RBPJ: variants seen among roughly 807,000 people sequenced by gnomAD.
RBPJ encodes the protein recombining binding protein suppressor of hairless.
Under a neutral mutation model 67.8 loss-of-function variants are expected in RBPJ, and 9 were observed. The observed-to-expected ratio is 0.13, with a 90% confidence interval of 0.08 to 0.23. The LOEUF (loss-of-function observed/expected upper bound fraction) is 0.23. Among genes scored for constraint, RBPJ ranks in the 10% least tolerant of loss-of-function variants. RBPJ has a pLI of 1.00. For missense variants in RBPJ, 305 were observed against 595.6 expected (o/e 0.51, Z 5.08); for synonymous variants, 198 against 203.3 (o/e 0.97, Z 0.22).
intron 1 of RBPJ, among the ~76,000 whole-genome samples, chr4:26,333,723 T>C (rs1724492735): frequency 1.3e-5 from 2 of 152,124 alleles, no homozygotes; most frequent in South Asian, 4.1e-4. Flanking sequence ...AGGATCTTAC[T>C]GTGTCACCCA....
intron 1 of RBPJ, among the ~76,000 whole-genome samples, chr4:26,351,539 C>T (rs556033704): frequency 6.6e-6 from 1 of 152,268 alleles, no homozygotes; most frequent in East Asian, 1.9e-4. Flanking sequence ...TGCCACCACA[C>T]CTGGCTAATT....
intron 1 of RBPJ, among the ~76,000 whole-genome samples, chr4:26,364,158 A>G (rs1456351439): frequency 2.0e-5 from 3 of 152,372 alleles, no homozygotes; most frequent in Non-Finnish European, 4.4e-5. Flanking sequence ...ATACACTGGT[A>G]TAGTCCATGA....
chr4:26,297,285 A>G (rs1233352473), intron 1 of RBPJ, among the ~76,000 whole-genome samples: 1 of 152,110 alleles, frequency 6.6e-6, no homozygotes, highest in Non-Finnish European at 1.5e-5. Flanking sequence ...CCGGGGTGAC[A>G]GAGTGAGACC....
At chr4:26,317,123 G>C (rs1722677640), upstream of RBPJ, among the ~76,000 whole-genome samples, 1 of 151,472 alleles carries the variant, frequency 6.6e-6, no homozygotes, top group Non-Finnish European at 1.5e-5. Context: ...AATGGAAGGA[G>C]GCAGATAGTA....
chr4:26,321,719 CT>C, intron 1 of RBPJ: 1 of 152,644 alleles, frequency 6.6e-6, no homozygotes, highest in Non-Finnish European at 1.5e-5. Flanking sequence ...CCCCCCGAGG[CT>C]TTGTCTCCCC....
At chr4:26,382,299 G>C (rs1730409012) in intron 1 of RBPJ, among the ~76,000 whole-genome samples, 1 of 152,184 alleles carries the variant, frequency 6.6e-6, no homozygotes, top group Admixed American at 6.5e-5. Flanking sequence ...CAATCTGTGA[G>C]TAATTGATAG....
At chr4:26,131,788 C>G in the RBPJ span, among the ~76,000 whole-genome samples, 1 of 152,336 alleles carries the variant, frequency 6.6e-6, no homozygotes, top group Admixed American at 6.5e-5. Flanking sequence ...GCTTCCCAAG[C>G]TGGGAGAGAA....
intron 1 of RBPJ, among the ~76,000 whole-genome samples, chr4:26,176,628 C>A (rs537326769): frequency 5.3e-5 from 8 of 152,372 alleles, no homozygotes; most frequent in South Asian, 4.1e-4. Context: ...CCCCCTTCAA[C>A]ACTATGCTTC....
chr4:26,362,892 G>A (rs2109505607), intron 1 of RBPJ, among the ~76,000 whole-genome samples: 1 of 152,238 alleles, frequency 6.6e-6, no homozygotes, highest in Middle Eastern at 3.4e-3. Context: ...GTAATGGGCT[G>A]TAATTTCATT....
chr4:26,430,315 C>A lies in RBPJ; in HGVS notation c.1045-104C>A. On this transcript the variant is annotated intron_variant, in intron 9 of 10. Transcript: ENST00000355476. The surrounding 1 kb of genome is among the most constrained non-coding windows in gnomAD (Gnocchi z 4.1). ...TTGTAATAAAAAACATTTTAATTGC[C>A]CTTTTTTAAAAAAAACAAATGAAAG... is the stretch of plus-strand genomic sequence containing the variant. 2.0e-6 allele frequency: 2 copies of A among 1,003,700 alleles called. No individual in the cohort carries two copies. Among genetic ancestry groups the A allele is most frequent in the South Asian group, 1.4e-5 (1 of 70,128 alleles). 62.2% of individuals were successfully genotyped at this position (1,003,700 alleles called of 1,614,324 possible).
intron 1 of RBPJ, among the ~76,000 whole-genome samples, chr4:26,242,956 G>A (rs996599902): frequency 7.2e-5 from 11 of 152,196 alleles, no homozygotes; most frequent in African/African-American, 2.7e-4. Context: ...TAAAAGCGCG[G>A]TGGCTCATGC....
At chr4:26,292,918 T>A (rs938094908) in intron 1 of RBPJ, among the ~76,000 whole-genome samples, 1 of 150,734 alleles carries the variant, frequency 6.6e-6, no homozygotes, top group African/African-American at 2.4e-5. Flanking sequence ...AATGCTCCAA[T>A]GAACATGGGC....
intron 1 of RBPJ, among the ~76,000 whole-genome samples, chr4:26,343,743 T>C (rs1371460770): frequency 2.4e-5 from 3 of 127,572 alleles, no homozygotes; most frequent in African/African-American, 9.3e-5. Flanking sequence ...TTTCTTCTTT[T>C]TTTTTTTTTT....
chr4:26,419,914 G>A (rs531948188), intron 4 of RBPJ, among the ~76,000 whole-genome samples: 1 of 151,906 alleles, frequency 6.6e-6, no homozygotes, highest in Admixed American at 6.6e-5. Flanking sequence ...AGTTCTTCTG[G>A]TGATACATAT....
chr4:26,288,758 C>A (rs900745872), intron 1 of RBPJ, among the ~76,000 whole-genome samples: 1 of 152,148 alleles, frequency 6.6e-6, no homozygotes, highest in African/African-American at 2.4e-5. Flanking sequence ...AAAGTATTTC[C>A]CCATGTTTTC....
At chr4:26,214,923 A>C (rs1718612803) in intron 1 of RBPJ, among the ~76,000 whole-genome samples, 2 of 56,548 alleles carry the variant, frequency 3.5e-5, no homozygotes, top group African/African-American at 5.8e-5. Context: ...AAGAGAAAAA[A>C]GGAAGGAAGG....
At chr4:26,325,509 C>CA (rs1189152140) in intron 1 of RBPJ, among the ~76,000 whole-genome samples, 1 of 152,188 alleles carries the variant, frequency 6.6e-6, no homozygotes, top group African/African-American at 2.4e-5. Context: ...CCAGTTAAAA[C>CA]CCCTGTAACA....
intron 1 of RBPJ, among the ~76,000 whole-genome samples, chr4:26,234,890 A>C (rs1338394546): frequency 6.6e-6 from 1 of 151,944 alleles, no homozygotes; most frequent in African/African-American, 2.4e-5. Context: ...ACGGGGTTTC[A>C]CCATGTTGGC....
At chr4:26,376,674 A>G (rs1268570412) in intron 1 of RBPJ, among the ~76,000 whole-genome samples, 3 of 152,170 alleles carry the variant, frequency 2.0e-5, no homozygotes, top group Non-Finnish European at 4.4e-5. Context: ...TCATATGGCA[A>G]TTCTGTGTTT....
Sources: allele counts gnomAD v4.1 joint callset (sites outside exome capture counted in the v4.1 genomes callset), GRCh38; gene constraint gnomAD v4.1.1; non-coding constraint Gnocchi (gnomAD v3.1); transcripts MANE v1.5; gene names NCBI Gene and HGNC (gene_info 2026-07-23, HGNC 2026-07-21).